The following PDE9A variants were observed in gnomAD, a reference collection of about 807,000 sequenced individuals.
PDE9A encodes high affinity cGMP-specific 3',5'-cyclic phosphodiesterase 9A.
PDE9A carries 60 observed loss-of-function variants against 87.4 expected under a neutral mutation model. The observed-to-expected ratio is 0.69, with a 90% CI of 0.56 to 0.85. The LOEUF (loss-of-function observed/expected upper bound fraction) is 0.85, where lower values mean the gene tolerates loss of function less well. Among genes scored for constraint, PDE9A ranks in the 40% least tolerant of loss-of-function variants. The pLI, the probability that PDE9A is intolerant of heterozygous loss-of-function variation, is 0.00. For missense variants in PDE9A, 665 were observed against 779.0 expected (o/e 0.85, Z 1.74); for synonymous variants, 272 against 279.4 (o/e 0.97, Z 0.27).
At chr21:42,765,213 G>C (rs946893660) in intron 14 of PDE9A, among the ~76,000 whole-genome samples, 168 bp from the exon 15 acceptor site, 1 of 152,220 alleles carries the variant, frequency 6.6e-6, no homozygotes, top group African/African-American at 2.4e-5. Context: ...TGGGTTTTTG[G>C]GTGGGCAGAT....
chr21:42,759,395 G>T lies in PDE9A; in HGVS notation c.897+310G>T, dbSNP rs2055427067. ...GGTGTGTGGGAGCGTGTGTGTGTGT[G>T]TGGGAGCGTGTGTGTGTGTGAGAGT... On this transcript the variant is annotated intron_variant, in intron 11 of 19. Transcript: ENST00000291539. The surrounding 1 kb of genome is among the most constrained non-coding windows in gnomAD (Gnocchi z 7.2). Among the ~76,000 whole-genome samples the T allele has an allele frequency of 6.7e-6, 1 of 148,300 alleles. No individual in the cohort carries two copies. Among genetic ancestry groups the T allele is most frequent in the Non-Finnish European group, 1.5e-5 (1 of 66,358 alleles).
At chr21:42,670,385 T>C (rs62650030) in intron 1 of PDE9A, among the ~76,000 whole-genome samples, 3 of 110,914 alleles carry the variant, frequency 2.7e-5, no homozygotes, top group East Asian at 3.3e-4. Flanking sequence ...CACATTCACA[T>C]TTACATTCAC....
Position 42,760,555 on chromosome 21 carries a change from G to A in PDE9A, c.1002+123G>A, listed in dbSNP as rs537916014. 27 of 663,254 alleles carry A rather than the reference G, an allele frequency of 4.1e-5. No homozygotes were observed. The highest frequency in any genetic ancestry group is 3.1e-4 in the South Asian group (18 of 58,122). 41.1% of individuals were successfully genotyped at this position (663,254 alleles called of 1,614,324 possible). A position where few individuals can be genotyped will look rare whatever the true frequency, so the allele number is the denominator to read the frequency against. The stretch of plus-strand genomic sequence containing the variant: ...CAGGCGTGGGGTCCCCAGCCGCTCC[G>A]CCCCTCCTAGGGACGCACCCCTGCC... On this transcript the variant is annotated intron_variant, in intron 12 of 19. Coordinates refer to ENST00000291539, the MANE Select transcript of PDE9A (RefSeq NM_002606.3). The surrounding 1 kb of genome is among the most constrained non-coding windows in gnomAD (Gnocchi z 5.2).
intron 4 of PDE9A, among the ~76,000 whole-genome samples, chr21:42,710,282 G>T (rs2049202194): frequency 6.6e-6 from 1 of 152,008 alleles, no homozygotes; most frequent in South Asian, 2.1e-4. Context: ...GGTGGTGTGT[G>T]CCTGTAGTCC....
chr21:42,728,999 C>CAAAA (rs1004336745), intron 4 of PDE9A, among the ~76,000 whole-genome samples: 4 of 94,426 alleles, frequency 4.2e-5, no homozygotes, highest in African/African-American at 1.0e-4. Flanking sequence ...GACTCAGTCT[C>CAAAA]AAAAAAAAAA....
At chr21:42,711,042 T>G (rs2049289522) in intron 4 of PDE9A, among the ~76,000 whole-genome samples, 1 of 152,190 alleles carries the variant, frequency 6.6e-6, no homozygotes, top group Admixed American at 6.5e-5. Flanking sequence ...TTGTATTATT[T>G]TTGTCACTGG....
chr21:42,680,850 G>A (rs1019928957), intron 1 of PDE9A, among the ~76,000 whole-genome samples: 4 of 152,184 alleles, frequency 2.6e-5, no homozygotes, highest in East Asian at 1.9e-4. Context: ...CCAGGTGTTC[G>A]TTCTTCCCAG....
intron 4 of PDE9A, 63 bp downstream of exon 4, chr21:42,699,074 GT>G (rs201430834): frequency 9.3e-7 from 1 of 1,070,652 alleles, no homozygotes; most frequent in East Asian, 2.4e-5. Flanking sequence ...GCTTGCCCCT[GT>G]GATAAAATAT....
At chr21:42,750,026 T>G (rs2054260028) in intron 8 of PDE9A, among the ~76,000 whole-genome samples, 1 of 152,122 alleles carries the variant, frequency 6.6e-6, no homozygotes, top group Non-Finnish European at 1.5e-5. Context: ...TAATCCCAGC[T>G]ACTCAGGAGG....
chr21:42,654,177 G>GA (rs909492752), intron 1 of PDE9A, among the ~76,000 whole-genome samples: 20 of 152,296 alleles, frequency 1.3e-4, no homozygotes, highest in Admixed American at 1.2e-3. Flanking sequence ...GCTGGCACAT[G>GA]AAGCCTTTAA....
In PDE9A at chr21:42,695,421, G is replaced by A. The variant is rs1407049776; in HGVS notation, c.219-3547G>A. On this transcript the variant is annotated intron_variant, in intron 3 of 19. Transcript: ENST00000291539. This position sits in a 1 kb window ranked among gnomAD's most constrained non-coding sequence, Gnocchi z 4.3. Reference sequence around the variant, plus strand: ...GTCACTACTGCTTCAAGATGCAGTGGAAGGAGATAAATCAGACACCTCAGT... The same window carrying A: ...GTCACTACTGCTTCAAGATGCAGTGAAAGGAGATAAATCAGACACCTCAGT... Among the ~76,000 whole-genome samples, 5 of 152,234 alleles carry A rather than the reference G, an allele frequency of 3.3e-5. No individual in the cohort carries two copies. Among genetic ancestry groups the A allele is most frequent in the South Asian group, 2.1e-4 (1 of 4,824 alleles).
At chr21:42,721,783 C>A (rs2050553908) in intron 4 of PDE9A, among the ~76,000 whole-genome samples, 1 of 152,088 alleles carries the variant, frequency 6.6e-6, no homozygotes, top group African/African-American at 2.4e-5. Flanking sequence ...CTCCAAAGAG[C>A]CTTGGCTCTC....
intron 4 of PDE9A, among the ~76,000 whole-genome samples, chr21:42,715,188 C>CTTTTTTTTTTTTTT: frequency 9.6e-6 from 1 of 104,654 alleles, no homozygotes; most frequent in Non-Finnish European, 1.8e-5. Context: ...TGCATCTTTA[C>CTTTTTTTTTTTTTT]TTTTTTTTTT....
At chr21:42,707,572 T>A (rs1236365360) in intron 4 of PDE9A, among the ~76,000 whole-genome samples, 1 of 151,370 alleles carries the variant, frequency 6.6e-6, no homozygotes, top group African/African-American at 2.4e-5. Context: ...CATGCCTCAA[T>A]CCCCCACTCC....
Position 42,759,199 on chromosome 21 carries a change from G to A in PDE9A, c.897+114G>A. 1 of 705,960 alleles carries A rather than the reference G, an allele frequency of 1.4e-6. No homozygotes were observed. The highest frequency in any genetic ancestry group is 2.7e-5 in the East Asian group (1 of 36,462). 43.7% of individuals were successfully genotyped at this position (705,960 alleles called of 1,614,324 possible). On this transcript the variant is annotated intron_variant, in intron 11 of 19. Transcript: ENST00000291539. This position sits in a 1 kb window ranked among gnomAD's most constrained non-coding sequence, Gnocchi z 7.2. ...TTCCGGATGGCACTGCGCTCCCTGT[G>A]AGCAGAGGTGACATTTCCCCGGGAG...
chr21:42,663,569 G>T (rs969559635), intron 1 of PDE9A, among the ~76,000 whole-genome samples: 2 of 152,154 alleles, frequency 1.3e-5, no homozygotes, highest in Non-Finnish European at 2.9e-5. Context: ...GGAGGGTATG[G>T]GCTGAGCCCA....
At chr21:42,667,759 A>C (rs2145909617) in intron 1 of PDE9A, among the ~76,000 whole-genome samples, 1 of 152,212 alleles carries the variant, frequency 6.6e-6, no homozygotes, top group South Asian at 2.1e-4. Flanking sequence ...AACCCGTGGC[A>C]AGTTCCCTCC....
chr21:42,733,680 C>G (rs926725342), intron 7 of PDE9A: 2 of 515,112 alleles, frequency 3.9e-6, no homozygotes, highest in Non-Finnish European at 7.0e-6. Flanking sequence ...TAAAAATGAA[C>G]ACACGAAGCC....
chr21:42,771,330 T>A (rs1355839065), intron 18 of PDE9A, among the ~76,000 whole-genome samples: 1 of 152,192 alleles, frequency 6.6e-6, no homozygotes, highest in Non-Finnish European at 1.5e-5. Context: ...ATAGATATCA[T>A]TTTGGAGGAA....
Sources: allele counts gnomAD v4.1 joint callset (sites outside exome capture counted in the v4.1 genomes callset), GRCh38; gene constraint gnomAD v4.1.1; non-coding constraint Gnocchi (gnomAD v3.1); transcripts MANE v1.5; gene names NCBI Gene and HGNC (gene_info 2026-07-23, HGNC 2026-07-21).